The following FALEC variants were observed in gnomAD, a reference collection of about 807,000 sequenced individuals.
FALEC encodes focally amplified lncRNA regulator of ECM1.
At chr1:150,518,144 A>G (rs1670594966), downstream of FALEC, 1 of 152,224 alleles carries the variant, frequency 6.6e-6, no homozygotes, top group African/African-American at 2.4e-5. Context: ...TGTTTACTGT[A>G]CAATCTGTCA....
chr1:150,528,927 C>T, the FALEC span, among the ~76,000 whole-genome samples: 1 of 146,900 alleles, frequency 6.8e-6, no homozygotes, highest in Admixed American at 7.0e-5. Context: ...GTCTTTGTCT[C>T]AGGGCTATTT....
the FALEC span, among the ~76,000 whole-genome samples, chr1:150,534,113 G>C: frequency 0.72 from 108,862 of 152,116 alleles, 39,213 homozygotes; most frequent in Non-Finnish European, 0.75. Context: ...GACAAACCCA[G>C]GGTCAGATCC....
downstream of FALEC, among the ~76,000 whole-genome samples, chr1:150,522,832 ACT>A (rs71732573): frequency 0.018 from 1,095 of 59,472 alleles, 44 homozygotes; most frequent in African/African-American, 0.045. Context: ...GGATTAATGA[ACT>A]CTCTCTCTCT....
chr1:150,530,357 A>C, the FALEC span, among the ~76,000 whole-genome samples: 1 of 152,148 alleles, frequency 6.6e-6, no homozygotes, highest in Non-Finnish European at 1.5e-5. Context: ...GGGGGAGCAC[A>C]GTTACAGACA....
the FALEC span, among the ~76,000 whole-genome samples, chr1:150,524,125 T>C: frequency 6.6e-6 from 1 of 152,210 alleles, no homozygotes; most frequent in Non-Finnish European, 1.5e-5. Context: ...TGTTTTACGC[T>C]GCTAGATTTG....
At chr1:150,522,889 G>GTATATATACATATATATATACGTA (rs1670665943), downstream of FALEC, among the ~76,000 whole-genome samples, 1 of 44,302 alleles carries the variant, frequency 2.3e-5, no homozygotes, top group African/African-American at 8.4e-5. Context: ...ATATATATAC[G>GTATATATACATATATATATACGTA]TATATATATA....
chr1:150,522,859 ATATATACG>A (rs1488979358), downstream of FALEC, among the ~76,000 whole-genome samples: 63 of 121,778 alleles, frequency 5.2e-4, 1 homozygote, highest in African/African-American at 1.6e-3. Context: ...CTCTATATAT[ATATATACG>A]TATATATACA....
chr1:150,523,664 A>T, the FALEC span, among the ~76,000 whole-genome samples: 1 of 152,090 alleles, frequency 6.6e-6, no homozygotes, highest in Non-Finnish European at 1.5e-5. Context: ...AAAAAAAAAA[A>T]AAAAAATTAC....
chr1:150,526,017 T>G, the FALEC span, among the ~76,000 whole-genome samples: 2 of 152,228 alleles, frequency 1.3e-5, no homozygotes, highest in Non-Finnish European at 1.5e-5. Flanking sequence ...GCATAATATT[T>G]TCAAGGTTCA....
the FALEC span, among the ~76,000 whole-genome samples, chr1:150,531,312 T>A: frequency 2.0e-5 from 3 of 152,140 alleles, no homozygotes; most frequent in African/African-American, 7.2e-5. Flanking sequence ...CTGACCAACA[T>A]GGAGAAATCC....
At chr1:150,529,600 A>ATT in the FALEC span, among the ~76,000 whole-genome samples, 9 of 142,618 alleles carry the variant, frequency 6.3e-5, no homozygotes, top group African/African-American at 7.7e-5. Context: ...GGGATCTGTG[A>ATT]TTTTTTTTTT....
At chr1:150,522,915 A>ATATATATATATG (rs1670669771), downstream of FALEC, among the ~76,000 whole-genome samples, 2 of 91,612 alleles carry the variant, frequency 2.2e-5, no homozygotes, top group African/African-American at 5.5e-5. Context: ...ATATATATAC[A>ATATATATATATG]TATATATATA....
At chr1:150,518,188 AATATT>A (rs1193491368), downstream of FALEC, among the ~76,000 whole-genome samples, 26 of 152,250 alleles carry the variant, frequency 1.7e-4, no homozygotes, top group African/African-American at 6.3e-4. Context: ...TTCATGATAA[AATATT>A]AAGAAAAAAG....
downstream of FALEC, among the ~76,000 whole-genome samples, chr1:150,522,483 C>T (rs1287186047): frequency 6.6e-6 from 1 of 150,590 alleles, no homozygotes; most frequent in Admixed American, 6.6e-5. Flanking sequence ...AGTAGCTGGG[C>T]ATAGCGGTGC....
the FALEC span, among the ~76,000 whole-genome samples, chr1:150,529,676 C>A: frequency 6.6e-6 from 1 of 151,948 alleles, no homozygotes; most frequent in African/African-American, 2.4e-5. Flanking sequence ...CGGCTCACTG[C>A]AAGCTCCGCC....
chr1:150,529,809 G>A, the FALEC span, among the ~76,000 whole-genome samples: 1 of 152,106 alleles, frequency 6.6e-6, no homozygotes, highest in Non-Finnish European at 1.5e-5. Flanking sequence ...ATGTTGGCCA[G>A]GATGGTCTCG....
chr1:150,523,113 G>T, the FALEC span, among the ~76,000 whole-genome samples: 1 of 140,602 alleles, frequency 7.1e-6, no homozygotes, highest in South Asian at 2.3e-4. Context: ...TCAGCCTCCT[G>T]AGTAGCTGGG....
At chr1:150,535,483 A>T in the FALEC span, among the ~76,000 whole-genome samples, 1 of 152,154 alleles carries the variant, frequency 6.6e-6, no homozygotes, top group African/African-American at 2.4e-5. Flanking sequence ...AGCTCATGCG[A>T]TTTGCCAGCC....
At chr1:150,520,783 CTTTTTTTTTTT>C (rs71086518), downstream of FALEC, among the ~76,000 whole-genome samples, 2 of 42,822 alleles carry the variant, frequency 4.7e-5, no homozygotes, top group South Asian at 2.2e-3. Context: ...CTTTTCTTTT[CTTTTTTTTTTT>C]TTTTTTTTTT....
Sources: gnomAD v4.1 joint callset for allele counts (sites outside exome capture counted in the v4.1 genomes callset) on GRCh38, gnomAD v4.1.1 for gene constraint, MANE v1.5 for transcripts, NCBI Gene and HGNC (gene_info 2026-07-23, HGNC 2026-07-21) for gene names.